The following MYO9B variants were observed in gnomAD, a reference collection of about 807,000 sequenced individuals.
MYO9B encodes unconventional myosin-IXb.
Under a neutral mutation model 229.5 loss-of-function variants are expected in MYO9B, and 71 were observed. The ratio of observed to expected loss-of-function variants is 0.31; its 90% CI spans 0.26 to 0.38. The LOEUF is 0.38. MYO9B is among the 10% of genes least tolerant of loss of function. The pLI is 1.00. For missense variants in MYO9B, 2,255 were observed against 2,920.5 expected (o/e 0.77, Z 5.25); for synonymous variants, 1,185 against 1,235.8 (o/e 0.96, Z 0.86).
rs531564339 is a variant in MYO9B at position 17,204,646 on chromosome 19, T to A, written c.4991-617T>A. ...GTCGCTTGAACTCAGGAGTTCTAAA[T>A]CAACCTGGGCAACATGGCAAGACCC... On this transcript the variant is annotated intron_variant, in intron 30 of 39. Transcript: ENST00000682292. 2.6e-3 allele frequency among the ~76,000 whole-genome samples: 388 copies of A among 151,178 alleles called. 2 individuals carry two copies. Among genetic ancestry groups the A allele is most frequent in the Non-Finnish European group, 9.0e-4 (61 of 67,772 alleles).
intron 36 of MYO9B, 53 bp from the exon 37 acceptor site, chr19:17,210,280 T>C (rs1322123044): frequency 8.6e-6 from 13 of 1,515,204 alleles, no homozygotes; most frequent in Admixed American, 2.2e-5. Flanking sequence ...CCCCAGCTCA[T>C]GCCTGTGTCT....
rs368828585 is a variant in MYO9B at position 17,182,820 on chromosome 19, T to A, written c.2334-1009T>A. Among the ~76,000 whole-genome samples the A allele has an allele frequency of 5.3e-5, 8 of 152,230 alleles. No individual in the cohort carries two copies. In the East Asian group the frequency reaches 1.4e-3, roughly 26 times the overall value. ...GGCCTTTTGAATAAATAAATATATT[T>A]ACTTATTTATTTATTTTCCCCCTTG... is the stretch of plus-strand genomic sequence containing the variant. On this transcript the variant is annotated intron_variant, in intron 15 of 39. Transcript: ENST00000682292.
At position 17,197,320 on chromosome 19, in the gene MYO9B, G is replaced by A. The variant is rs140969786; in HGVS notation, c.4047-472G>A. 4.5e-3 allele frequency among the ~76,000 whole-genome samples: 679 copies of A among 151,590 alleles called. 8 individuals carry two copies. The highest frequency in any genetic ancestry group is 0.016 in the African/African-American group (651 of 41,214). ...GATAGAGATGACAGATGAAGAGATG[G>A]ATGGAAGGCAGATAAAGAGGATGGA... On this transcript the variant is annotated intron_variant, in intron 22 of 39. Transcript: ENST00000682292.
rs752877212 is a variant in MYO9B at position 17,200,812 on chromosome 19, G to A, written c.4546G>A (p.Glu1516Lys). ...CGCCAATGAGCTCAAGTACCTGGAC[G>A]AGTTCCTGCTCAACAAGGTGGGATC... The part of the protein sequence containing the change: ...TNANELKYLD[E>K]FLLNKINDLR... Residue 1516 changes from glutamate (E) to lysine (K), a missense_variant, in exon 26 of 40, where the codon GAG becomes AAG. Transcript: ENST00000682292. 1.2e-6 allele frequency: 2 copies of A among 1,613,782 alleles called. No individual in the cohort carries two copies. Among genetic ancestry groups the A allele is most frequent in the African/African-American group, 1.3e-5 (1 of 74,946 alleles).
chr19:17,106,935 C>T (rs888343322), intron 2 of MYO9B, among the ~76,000 whole-genome samples: 5 of 152,292 alleles, frequency 3.3e-5, no homozygotes, highest in Admixed American at 2.6e-4. Flanking sequence ...TGGTGGCGAG[C>T]GCCTATAATC....
At chr19:17,201,790 G>A (rs2073108832) in intron 26 of MYO9B, 136 bp from the exon 27 acceptor site, 4 of 661,648 alleles carry the variant, frequency 6.0e-6, no homozygotes, top group Admixed American at 5.4e-5. Context: ...ACCAGGCTTG[G>A]CCAGAGGGAC....
intron 2 of MYO9B, among the ~76,000 whole-genome samples, chr19:17,113,457 G>A (rs1235785991): frequency 1.3e-5 from 2 of 152,226 alleles, no homozygotes; most frequent in Admixed American, 1.3e-4. Flanking sequence ...CGCCCTGCGA[G>A]CGGTCAAGAC....
At chr19:17,203,533 A>G (rs1393596715) in intron 30 of MYO9B, among the ~76,000 whole-genome samples, 1 of 151,476 alleles carries the variant, frequency 6.6e-6, no homozygotes, top group African/African-American at 2.4e-5. Flanking sequence ...GAATCACTTG[A>G]ACCTGGGAGG....
At chr19:17,078,115 G>A (rs1473737111) in intron 1 of MYO9B, among the ~76,000 whole-genome samples, 1 of 152,096 alleles carries the variant, frequency 6.6e-6, no homozygotes, top group Non-Finnish European at 1.5e-5. Flanking sequence ...TCTTGGGTGG[G>A]CCTAGATTTC....
At chr19:17,188,876 AG>A (rs1399853468) in intron 19 of MYO9B, among the ~76,000 whole-genome samples, 9 of 151,990 alleles carry the variant, frequency 5.9e-5, no homozygotes, top group African/African-American at 1.9e-4. Context: ...AGCTGGGCAC[AG>A]TGGCTCACAC....
chr19:17,188,039 G>A lies in MYO9B; in HGVS notation c.2682G>A (p.Thr894=), dbSNP rs756209376. Residue 894 remains threonine (T), a synonymous_variant, in exon 19 of 40, where the codon ACG becomes ACA. Transcript: ENST00000682292. ...GGTCAGGGTACAGCGCCAAGTACAC[G>A]TTCCAGGTAGGCCACAAGCACATAT... is the stretch of plus-strand genomic sequence containing the variant. The part of the protein sequence containing the change: ...IRRSGYSAKY[T]FQDFTEQFQV... The A allele has an allele frequency of 1.1e-5, 17 of 1,589,994 alleles. No homozygotes were observed. The highest frequency in any genetic ancestry group is 6.7e-5 in the African/African-American group (5 of 74,384).
intron 35 of MYO9B, among the ~76,000 whole-genome samples, chr19:17,209,314 G>T (rs147780987): frequency 4.9e-4 from 75 of 152,358 alleles, no homozygotes; most frequent in African/African-American, 1.8e-3. Flanking sequence ...TGCGAGGCAG[G>T]ATAATTCCCA....
intron 8 of MYO9B, among the ~76,000 whole-genome samples, chr19:17,161,521 A>T (rs969231165): frequency 1.1e-4 from 17 of 151,982 alleles, no homozygotes; most frequent in Non-Finnish European, 2.4e-4. Context: ...TCCACAATAA[A>T]ATTAAAAATT....
At chr19:17,112,539 C>T (rs962896357) in intron 2 of MYO9B, among the ~76,000 whole-genome samples, 1 of 152,238 alleles carries the variant, frequency 6.6e-6, no homozygotes, top group Non-Finnish European at 1.5e-5. Flanking sequence ...CAACCCCAGC[C>T]GCGGGGATGT....
intron 6 of MYO9B, among the ~76,000 whole-genome samples, chr19:17,155,461 A>G (rs774427657): frequency 1.1e-4 from 17 of 152,216 alleles, no homozygotes; most frequent in South Asian, 4.1e-4. Flanking sequence ...AATTACAAAC[A>G]CAAGCCACCG....
intron 29 of MYO9B, 46 bp downstream of exon 29, chr19:17,202,929 G>C: frequency 6.3e-7 from 1 of 1,575,138 alleles, no homozygotes; most frequent in East Asian, 2.3e-5. Flanking sequence ...GCGAACATTG[G>C]CAGGAGCATG....
intron 2 of MYO9B, among the ~76,000 whole-genome samples, chr19:17,130,308 T>C (rs531097747): frequency 6.6e-6 from 1 of 151,278 alleles, no homozygotes; most frequent in African/African-American, 2.4e-5. Flanking sequence ...CCATCTCTAC[T>C]ACCAGTACAG....
In MYO9B at chr19:17,101,819, C is replaced by T. The variant is rs761779100; in HGVS notation, c.102C>T (p.Cys34=). The part of the protein sequence containing the change: ...QLSTTESQAS[C]RVTATKDSTT... ...CCACCACCGAGAGCCAGGCCTCGTG[C>T]CGCGTGACTGCCACCAAGGACAGCA... is the stretch of plus-strand genomic sequence containing the variant. The change falls in exon 2 of 40, where the codon TGC becomes TGT. Residue 34 remains cysteine (C), a synonymous_variant. Transcript: ENST00000682292. The surrounding 1 kb of genome is among the most constrained non-coding windows in gnomAD (Gnocchi z 4.7). 6 of 1,608,704 alleles carry T rather than the reference C, an allele frequency of 3.7e-6. No homozygotes were observed. The highest frequency in any genetic ancestry group is 5.1e-6 in the Non-Finnish European group (6 of 1,179,156).
intron 13 of MYO9B, among the ~76,000 whole-genome samples, chr19:17,174,700 C>G (rs1164385239): frequency 6.6e-6 from 1 of 152,004 alleles, no homozygotes; most frequent in East Asian, 2.0e-4. Context: ...TTCGGGAGAC[C>G]GAGGTGGGTG....
Sources: gnomAD v4.1 joint callset for allele counts (sites outside exome capture counted in the v4.1 genomes callset) on GRCh38, gnomAD v4.1.1 for gene constraint, Gnocchi (gnomAD v3.1) non-coding constraint, MANE v1.5 for transcripts, NCBI Gene and HGNC (gene_info 2026-07-23, HGNC 2026-07-21) for gene names.